Variants in EHMT2 observed in about 807,000 individuals in gnomAD.
EHMT2 encodes the protein euchromatic histone lysine methyltransferase 2.
In EHMT2, 59 loss-of-function variants were observed where a neutral mutation model predicts 143.3. The observed-to-expected ratio is 0.41, with a 90% confidence interval of 0.33 to 0.51. The LOEUF (loss-of-function observed/expected upper bound fraction) is 0.51, where lower values mean the gene tolerates loss of function less well. Among genes scored for constraint, EHMT2 ranks in the 20% least tolerant of loss-of-function variants. The pLI is 0.18. For synonymous variants in EHMT2, 604 were observed against 651.5 expected (o/e 0.93, Z 1.11); for missense variants, 1,174 against 1,645.9 (o/e 0.71, Z 4.96).
chr6:31,883,869 C>T lies in EHMT2; in HGVS notation c.2853G>A (p.Lys951=). ...ACGTCTCGCAGTTCTCTGAGATGTA[C>T]TTGTAATCCTCAGGGCAGGGCTCCC... Residue 951 remains lysine, a synonymous_variant, in exon 22 of 28, where the codon AAG becomes AAA. Coordinates refer to ENST00000375537, the Ensembl canonical transcript of EHMT2. The surrounding 1 kb of genome is among the most constrained non-coding windows in gnomAD (Gnocchi z 5.6). 1.2e-6 allele frequency: 2 copies of T among 1,614,044 alleles called. No homozygotes were observed. Among genetic ancestry groups the T allele is most frequent in the Non-Finnish European group, 1.7e-6 (2 of 1,179,976 alleles).
Position 31,888,412 on chromosome 6 carries a change from C to T in EHMT2, c.1460G>A (p.Arg487His), listed in dbSNP as rs747189741. ...CGGGCAGCAGTGGTGTTTGACCATG[C>T]GGGCGCGGTGGGTCTCACAGAGCAC... Residue 487 changes from arginine to histidine, a missense_variant, in exon 12 of 28, where the codon CGC (arginine) becomes CAC (histidine). Arg to His is a conservative substitution (Grantham distance 29). Around this residue, in one of 6 missense-constraint regions of EHMT2, gnomAD observed 608 missense variants for 903.7 expected, o/e 0.67. Coordinates refer to ENST00000375537, the Ensembl canonical transcript of EHMT2. The surrounding 1 kb of genome is among the most constrained non-coding windows in gnomAD (Gnocchi z 7.4). The T allele has an allele frequency of 2.0e-5, 33 of 1,612,592 alleles. No homozygotes were observed. The highest frequency in any genetic ancestry group is 2.2e-5 in the Non-Finnish European group (26 of 1,179,894).
exon 28 of EHMT2, chr6:31,879,789 C>T (rs1325226140): frequency 2.1e-6 from 1 of 476,936 alleles, no homozygotes; most frequent in Non-Finnish European, 3.8e-6. Context: ...TTATTGAGAA[C>T]AAAAGGAACC....
At position 31,881,463 on chromosome 6, in the gene EHMT2, T is replaced by TA. The variant is rs1329831459; in HGVS notation, c.3198-372dup. On this transcript the variant is annotated intron_variant, in intron 25 of 27. Transcript: ENST00000375537. The surrounding 1 kb of genome is among the most constrained non-coding windows in gnomAD (Gnocchi z 4.8). ...CCAGGACTGCAGGAAGAGCCAGAGG[T>TA]ACAGGAGTGGCAAGGAACTCAAGGC... The TA allele has an allele frequency of 2.9e-6, 1 of 348,464 alleles. No homozygotes were observed. The highest frequency in any genetic ancestry group is 5.5e-6 in the Non-Finnish European group (1 of 182,800). 21.6% of individuals were successfully genotyped at this position (348,464 alleles called of 1,614,324 possible). A position where few individuals can be genotyped will look rare whatever the true frequency, so the allele number is the denominator to read the frequency against.
At chr6:31,887,702 C>G (rs1269720236) in intron 14 of EHMT2, 43 bp from the exon 15 acceptor site, 16 of 1,609,750 alleles carry the variant, frequency 9.9e-6, no homozygotes, top group Non-Finnish European at 1.4e-5. Context: ...GGGAGCTCCT[C>G]AGATTCCAGC....
intron 3 of EHMT2, 24 bp downstream of exon 3, chr6:31,896,582 C>A (rs752882368): frequency 1.9e-5 from 30 of 1,589,528 alleles, no homozygotes; most frequent in Non-Finnish European, 1.2e-5. Context: ...TCCCACCAAC[C>A]CCCCAGGCTA....
At chr6:31,896,885 G>A in intron 2 of EHMT2, 38 bp downstream of exon 2, 1 of 1,611,928 alleles carries the variant, frequency 6.2e-7, no homozygotes, top group Non-Finnish European at 8.5e-7. Flanking sequence ...TTTAGGGAAG[G>A]TGACGGTCCA....
rs190794471 is a variant in EHMT2 at position 31,881,516 on chromosome 6, T to C, written c.3198-424A>G. On this transcript the variant is annotated intron_variant, in intron 25 of 27. Coordinates refer to ENST00000375537, the Ensembl canonical transcript of EHMT2. This position sits in a 1 kb window ranked among gnomAD's most constrained non-coding sequence, Gnocchi z 4.8. ...GATTCGGGGCAAGAGCACCCACACA[T>C]ATCTGGACACCAGAGGGAGGAGAGG... The C allele has an allele frequency of 2.1e-3, 539 of 258,600 alleles. 2 individuals are homozygous for C. The highest frequency in any genetic ancestry group is 0.01 in the African/African-American group (473 of 46,202). 16.0% of individuals were successfully genotyped at this position (258,600 alleles called of 1,614,324 possible).
At chr6:31,885,534 ATAAAG>A (rs1437862540) in intron 18 of EHMT2, 1 of 152,690 alleles carries the variant, frequency 6.5e-6, no homozygotes, top group Non-Finnish European at 1.5e-5. Flanking sequence ...CAGAGAGAAA[ATAAAG>A]TAATTGTTCT....
Position 31,888,363 on chromosome 6 carries a change from C to T in EHMT2, c.1509G>A (p.Ala503=), listed in dbSNP as rs144132028. The T allele has an allele frequency of 1.7e-4, 275 of 1,612,410 alleles. 2 individuals carry two copies. Among genetic ancestry groups the T allele is most frequent in the Non-Finnish European group, 1.6e-4 (186 of 1,179,688 alleles). The stretch of plus-strand genomic sequence containing the variant: ...CCTGTCTGCCCCACTGGTCACTCAC[C>T]GCCGTGCAGAAGTAGCCGCAGCCCG... Residue 503 remains alanine, a splice_region_variant and synonymous_variant, in exon 12 of 28, where the codon GCG becomes GCA. Coordinates refer to ENST00000375537, the Ensembl canonical transcript of EHMT2. This position sits in a 1 kb window ranked among gnomAD's most constrained non-coding sequence, Gnocchi z 7.4.
chr6:31,884,035 T>A lies in EHMT2; in HGVS notation c.2772-85A>T. On this transcript the variant is annotated intron_variant, in intron 21 of 27. Transcript: ENST00000375537. The surrounding 1 kb of genome is among the most constrained non-coding windows in gnomAD (Gnocchi z 7.3). ...GGTATAAGGAAGAGAGTTGGGGAGG[T>A]TCCTGGGGCTGGGGGCAGGGGAGTA... The A allele has an allele frequency of 6.7e-7, 1 of 1,498,860 alleles. No homozygotes were observed. Among genetic ancestry groups the A allele is most frequent in the Non-Finnish European group, 9.0e-7 (1 of 1,110,002 alleles). The allele number at this position is 1,498,860 out of a possible 1,614,324, so 92.8% of individuals were successfully genotyped here.
Position 31,892,524 on chromosome 6 carries a change from C to T in EHMT2, c.747G>A (p.Val249=), listed in dbSNP as rs150601623. 4.7e-5 allele frequency: 76 copies of T among 1,613,058 alleles called. 1 individual carries two copies. The African/African-American group carries it at 7.1e-4, about 15-fold the overall frequency. The change falls in exon 7 of 28, where the codon GTG becomes GTA. Residue 249 remains valine, a synonymous_variant. Transcript: ENST00000375537. ...ACCCGGGGTCCCCTTTCGTCAGGGT[C>T]ACTTCTCCTGAACGCCGGGCAGAAC... is the stretch of plus-strand genomic sequence containing the variant.
chr6:31,892,860 A>G, exon 5 of EHMT2: 4 of 1,599,530 alleles, frequency 2.5e-6, no homozygotes, highest in Non-Finnish European at 3.4e-6. Context: ...GGACATCATC[A>G]CTCATGCGGA....
At chr6:31,897,646 G>GCCGCCGCTGCAGCTC in exon 1 of EHMT2, 1 of 1,160,844 alleles carries the variant, frequency 8.6e-7, no homozygotes. Flanking sequence ...CTCGGCGGCC[G>GCCGCCGCTGCAGCTC]CCGCCGCTGC....
chr6:31,887,450 C>T (rs1293093724), intron 15 of EHMT2, 127 bp downstream of exon 15: 7 of 818,442 alleles, frequency 8.6e-6, no homozygotes, highest in African/African-American at 3.4e-5. Flanking sequence ...GTGTCTTTTC[C>T]CCACCACACT....
chr6:31,892,562 A>C, exon 7 of EHMT2: 2 of 1,612,778 alleles, frequency 1.2e-6, no homozygotes, highest in Non-Finnish European at 1.7e-6. Context: ...AACTCCTCTG[A>C]CTAGAAAAAG....
exon 14 of EHMT2, chr6:31,887,798 C>A (rs1350938013): frequency 6.2e-7 from 1 of 1,602,958 alleles, no homozygotes; most frequent in South Asian, 1.1e-5. Context: ...TCCTGGATGA[C>A]CAGGGCCTTT....
intron 18 of EHMT2, chr6:31,886,296 A>T (rs1034665845): frequency 2.2e-6 from 1 of 463,722 alleles, no homozygotes; most frequent in Admixed American, 3.9e-5. Context: ...AATGCCAATA[A>T]ATGACTAAAA....
chr6:31,880,240 C>T lies in EHMT2; in HGVS notation c.3477G>A (p.Trp1159Ter). Residue 1159 changes from tryptophan to a stop codon, truncating the protein, a stop_gained, in exon 28 of 28, where the codon TGG becomes TGA. Coordinates refer to ENST00000375537, the Ensembl canonical transcript of EHMT2. LOFTEE classifies it high-confidence loss of function. The surrounding 1 kb of genome is among the most constrained non-coding windows in gnomAD (Gnocchi z 6.6). ...AGGTGAAATATTTGCTTTTGATGTC[C>T]CAGAAGCGGTCGCCATAGTCAAACC... is the stretch of plus-strand genomic sequence containing the variant. The T allele has an allele frequency of 6.2e-7, 1 of 1,612,458 alleles. No individual in the cohort carries two copies.
Position 31,884,107 on chromosome 6 carries a change from G to A in EHMT2, c.2772-157C>T, listed in dbSNP as rs9267660. On this transcript the variant is annotated intron_variant, in intron 21 of 27. Coordinates refer to ENST00000375537, the Ensembl canonical transcript of EHMT2. The surrounding 1 kb of genome is among the most constrained non-coding windows in gnomAD (Gnocchi z 7.3). ...GACAGCGAGTTAACATAGAATTTTAGATAAACAAGAAATAGCTTTTTAGTA... is the reference window on the plus strand; with the variant it reads ...GACAGCGAGTTAACATAGAATTTTAAATAAACAAGAAATAGCTTTTTAGTA... 8 of 861,806 alleles carry A rather than the reference G, an allele frequency of 9.3e-6. No individual in the cohort carries two copies. The highest frequency in any genetic ancestry group is 8.6e-6 in the Non-Finnish European group (5 of 579,692). 53.4% of individuals were successfully genotyped at this position (861,806 alleles called of 1,614,324 possible). A position where few individuals can be genotyped will look rare whatever the true frequency, so the allele number is the denominator to read the frequency against.
Sources: allele counts gnomAD v4.1 joint callset, GRCh38; gene constraint gnomAD v4.1.1; regional missense constraint gnomAD v4.1.1; non-coding constraint Gnocchi (gnomAD v3.1); transcripts MANE v1.5; gene names NCBI Gene and HGNC (gene_info 2026-07-23, HGNC 2026-07-21).